CALCR: variants seen among roughly 807,000 people sequenced by gnomAD.
CALCR encodes the protein calcitonin receptor.
In CALCR, 47 loss-of-function variants were observed where a neutral mutation model predicts 59.5. The ratio of observed to expected loss-of-function variants is 0.79; its 90% CI spans 0.63 to 1.01. CALCR has a LOEUF of 1.01. Ranked by LOEUF, CALCR falls within the 50% of genes least tolerant of loss-of-function variation. The pLI is 0.00. For missense variants in CALCR, 566 were observed against 597.1 expected (o/e 0.95, Z 0.54); for synonymous variants, 213 against 211.3 (o/e 1.01, Z -0.07).
chr7:93,548,681 A>AC (rs1554407531), intron 2 of CALCR, among the ~76,000 whole-genome samples: 3 of 151,460 alleles, frequency 2.0e-5, no homozygotes, highest in East Asian at 1.9e-4. Flanking sequence ...GAAAAAAAAA[A>AC]CCCAAAACAA....
At chr7:93,528,707 G>T (rs1298137112) in intron 2 of CALCR, among the ~76,000 whole-genome samples, 1 of 152,130 alleles carries the variant, frequency 6.6e-6, no homozygotes, top group African/African-American at 2.4e-5. Context: ...TATTCATCAT[G>T]TAGCCTTTAA....
At chr7:93,546,550 G>A (rs1054833218) in intron 2 of CALCR, among the ~76,000 whole-genome samples, 9 of 151,608 alleles carry the variant, frequency 5.9e-5, no homozygotes, top group African/African-American at 1.9e-4. Context: ...CCATGAGTGA[G>A]TGACTTTTTG....
At position 93,470,763 on chromosome 7, in the gene CALCR, ATTTTAT is replaced by A. The variant is rs1212442041; in HGVS notation, c.429+1606_429+1611del. The stretch of plus-strand genomic sequence containing the variant: ...TTATTTTTATTTTTATTTTTTCAAT[ATTTTAT>A]TTTATTTTATTGTTAATTATTATAC... On this transcript the variant is annotated intron_variant, in intron 6 of 13. Coordinates refer to ENST00000426151, the MANE Select transcript of CALCR (RefSeq NM_001742.4). 9.3e-5 allele frequency among the ~76,000 whole-genome samples: 14 copies of A among 150,310 alleles called. 1 individual carries two copies. In the South Asian group the frequency reaches 2.9e-3, roughly 31 times the overall value.
intron 4 of CALCR, among the ~76,000 whole-genome samples, chr7:93,478,837 T>C (rs1032174745): frequency 6.6e-6 from 1 of 151,828 alleles, no homozygotes; most frequent in Non-Finnish European, 1.5e-5. Context: ...ACAGCCATTC[T>C]AGAGAAGCTG....
At chr7:93,462,247 TA>T (rs1278169328) in intron 7 of CALCR, 1 of 531,794 alleles carries the variant, frequency 1.9e-6, no homozygotes, top group Non-Finnish European at 3.3e-6. Context: ...TTTAACTTGT[TA>T]AACAGGTATA....
At chr7:93,457,549 G>A (rs865831017) in intron 8 of CALCR, among the ~76,000 whole-genome samples, 3 of 152,116 alleles carry the variant, frequency 2.0e-5, no homozygotes, top group Admixed American at 6.6e-5. Context: ...ATGATACTTC[G>A]TAATGTGACT....
chr7:93,440,466 A>G (rs1799877173), intron 9 of CALCR, among the ~76,000 whole-genome samples: 1 of 151,766 alleles, frequency 6.6e-6, no homozygotes, highest in Admixed American at 6.6e-5. Flanking sequence ...AAATATGTCA[A>G]TTTTGTTCTC....
chr7:93,506,445 A>C (rs1801426732), intron 2 of CALCR, among the ~76,000 whole-genome samples: 1 of 152,172 alleles, frequency 6.6e-6, no homozygotes, highest in African/African-American at 2.4e-5. Context: ...GAGCAGTCAC[A>C]GAGGTAGTGT....
At chr7:93,438,810 C>T (rs1346292815) in intron 9 of CALCR, among the ~76,000 whole-genome samples, 1 of 152,036 alleles carries the variant, frequency 6.6e-6, no homozygotes, top group Admixed American at 6.6e-5. Context: ...TTCAGAGAAG[C>T]CAGTACATTC....
chr7:93,493,294 T>C (rs1170955312), intron 2 of CALCR, among the ~76,000 whole-genome samples: 3 of 151,384 alleles, frequency 2.0e-5, no homozygotes, highest in African/African-American at 7.3e-5. Flanking sequence ...CATTGGCAAA[T>C]CTAAATGTAT....
intron 2 of CALCR, among the ~76,000 whole-genome samples, chr7:93,538,346 T>C (rs1418829920): frequency 6.6e-6 from 1 of 152,074 alleles, no homozygotes; most frequent in African/African-American, 2.4e-5. Flanking sequence ...ATTTTTAGTG[T>C]GAAGAAGTAT....
intron 2 of CALCR, among the ~76,000 whole-genome samples, chr7:93,517,975 G>A (rs561158843): frequency 1.3e-5 from 2 of 151,966 alleles, no homozygotes; most frequent in South Asian, 4.1e-4. Flanking sequence ...AACAACTGCA[G>A]AACCTTTGGG....
chr7:93,455,738 A>G (rs1310467724), intron 8 of CALCR, among the ~76,000 whole-genome samples: 1 of 152,008 alleles, frequency 6.6e-6, no homozygotes, highest in Non-Finnish European at 1.5e-5. Flanking sequence ...AATGGGGAAA[A>G]CTGCTTTCAT....
intron 5 of CALCR, among the ~76,000 whole-genome samples, chr7:93,477,265 A>T (rs1458736945): frequency 1.3e-5 from 2 of 151,874 alleles, no homozygotes; most frequent in East Asian, 3.9e-4. Flanking sequence ...CAATTGAAAA[A>T]TTTTTAAAAC....
intron 12 of CALCR, 132 bp downstream of exon 12, chr7:93,435,820 A>AT (rs1444769894): frequency 7.7e-6 from 2 of 259,132 alleles, no homozygotes; most frequent in Non-Finnish European, 1.3e-5. Flanking sequence ...AAAATAAAAT[A>AT]AAATAATAAA....
chr7:93,508,834 T>C (rs550586349), intron 2 of CALCR, among the ~76,000 whole-genome samples: 8 of 152,292 alleles, frequency 5.3e-5, no homozygotes, highest in Admixed American at 2.6e-4. Flanking sequence ...CTGTAAGATC[T>C]TACTGTCCAT....
chr7:93,556,885 C>T (rs1274189181), intron 2 of CALCR, among the ~76,000 whole-genome samples: 1 of 151,944 alleles, frequency 6.6e-6, no homozygotes, highest in Admixed American at 6.6e-5. Flanking sequence ...AAGATATGTA[C>T]AGAAAGACTC....
intron 2 of CALCR, among the ~76,000 whole-genome samples, chr7:93,572,972 C>T (rs955462265): frequency 1.3e-5 from 2 of 152,042 alleles, no homozygotes; most frequent in African/African-American, 4.8e-5. Flanking sequence ...GGCATTGAAC[C>T]AGAACAAATC....
At chr7:93,541,802 C>T (rs1205957845) in intron 2 of CALCR, among the ~76,000 whole-genome samples, 1 of 152,202 alleles carries the variant, frequency 6.6e-6, no homozygotes, top group Non-Finnish European at 1.5e-5. Context: ...TGGTCTGTGG[C>T]TATCCACGGT....
Sources: allele counts gnomAD v4.1 joint callset (sites outside exome capture counted in the v4.1 genomes callset), GRCh38; gene constraint gnomAD v4.1.1; transcripts MANE v1.5; gene names NCBI Gene and HGNC (gene_info 2026-07-23, HGNC 2026-07-21).